Variants in TLE3 observed in about 807,000 individuals in gnomAD.
TLE3 encodes TLE family member 3, transcriptional corepressor, also known as transducin-like enhancer protein 3.
In TLE3, 14 loss-of-function variants were observed where a neutral mutation model predicts 93.0. That is an observed-to-expected ratio of 0.15 (90% confidence interval 0.10 to 0.24). The LOEUF (loss-of-function observed/expected upper bound fraction) is 0.24. TLE3 is among the 10% of genes least tolerant of loss of function. The probability of loss-of-function intolerance (pLI) is 1.00; values close to 1 mark genes in which losing one functional copy is unlikely to be tolerated. For synonymous variants in TLE3, 451 were observed against 425.0 expected (o/e 1.06, Z -0.75); for missense variants, 693 against 1,046.6 (o/e 0.66, Z 4.66).
At chr15:70,052,969 C>G in intron 17 of TLE3, 11 of 455,928 alleles carry the variant, frequency 2.4e-5, no homozygotes, top group South Asian at 1.5e-4. Flanking sequence ...ATGAGGACGC[C>G]GAGGACAAAG....
intron 6 of TLE3, among the ~76,000 whole-genome samples, chr15:70,071,997 A>C (rs1262329194): frequency 1.3e-5 from 2 of 152,364 alleles, no homozygotes; most frequent in East Asian, 1.9e-4. Context: ...ACGGCTCCCC[A>C]GTGCGAGCAC....
intron 18 of TLE3, 105 bp from the exon 19 acceptor site, chr15:70,051,572 C>CTTT: frequency 5.0e-6 from 4 of 796,716 alleles, no homozygotes; most frequent in South Asian, 1.7e-5. Flanking sequence ...GTGAGAACTG[C>CTTT]TAACTAGTAT....
chr15:70,073,020 G>C (rs567249834), intron 6 of TLE3, among the ~76,000 whole-genome samples: 33 of 152,198 alleles, frequency 2.2e-4, no homozygotes, highest in Non-Finnish European at 4.1e-4. Context: ...CCAGGCCAAT[G>C]CTTGCATCCC....
chr15:70,051,784 G>A (rs1472748600), intron 18 of TLE3, among the ~76,000 whole-genome samples: 4 of 152,152 alleles, frequency 2.6e-5, no homozygotes, highest in Admixed American at 2.6e-4. Flanking sequence ...TTCTACTACT[G>A]GAAGGCAACA....
chr15:70,093,095 C>G (rs1218278502), intron 4 of TLE3, among the ~76,000 whole-genome samples: 5 of 152,194 alleles, frequency 3.3e-5, no homozygotes, highest in Non-Finnish European at 7.3e-5. Flanking sequence ...GAACCTGTCT[C>G]TATTCTATTT....
Position 70,058,347 on chromosome 15 carries a change from G to A in TLE3, c.919-56C>T. 2 of 1,544,472 alleles carry A rather than the reference G, an allele frequency of 1.3e-6. No homozygotes were observed. Among genetic ancestry groups the A allele is most frequent in the Non-Finnish European group, 1.7e-6 (2 of 1,144,144 alleles). ...CCATGAGGCTTCCATTCTCCTAGGA[G>A]CCGGGCACAACTGGTGCCGGTCCCA... On this transcript the variant is annotated intron_variant, in intron 11 of 19. Coordinates refer to ENST00000451782, the MANE Select transcript of TLE3 (RefSeq NM_001105192.3). The surrounding 1 kb of genome is among the most constrained non-coding windows in gnomAD (Gnocchi z 4.1).
At chr15:70,062,767 C>T (rs1354557958) in intron 8 of TLE3, among the ~76,000 whole-genome samples, 5 of 152,096 alleles carry the variant, frequency 3.3e-5, no homozygotes, top group African/African-American at 7.2e-5. Flanking sequence ...TCTACACCGC[C>T]GCTGACACCG....
In TLE3 at chr15:70,067,682, A is replaced by C. The variant is rs2141674469; in HGVS notation, c.373-1464T>G. ...AGTGAAGGCCCATGGCTCTGGCAGG[A>C]GGAGGCAGTAAGCATTTCAGGTTAT... On this transcript the variant is annotated intron_variant, in intron 6 of 19. Coordinates refer to ENST00000451782, the MANE Select transcript of TLE3 (RefSeq NM_001105192.3). Among the ~76,000 whole-genome samples, 2 of 152,332 alleles carry C rather than the reference A, an allele frequency of 1.3e-5. 1 individual carries two copies. Among genetic ancestry groups the C allele is most frequent in the East Asian group, 3.9e-4 (2 of 5,184 alleles).
Position 70,097,437 on chromosome 15 carries a change from C to A in TLE3, c.-639G>T. 2 of 416,938 alleles carry A rather than the reference C, an allele frequency of 4.8e-6. No individual in the cohort carries two copies. Among genetic ancestry groups the A allele is most frequent in the Non-Finnish European group, 8.4e-6 (2 of 237,814 alleles). The allele number at this position is 416,938 out of a possible 1,614,324, so 25.8% of individuals were successfully genotyped here. On this transcript the variant is annotated 5_prime_UTR_variant, in exon 1 of 20. Transcript: ENST00000451782. ...CCTCGGAGAGGAGAGCCTGCTGTTC[C>A]GTCTGCTACTGCCGCTGCCGCCGCC...
intron 10 of TLE3, 65 bp downstream of exon 10, chr15:70,059,345 C>T: frequency 6.5e-7 from 1 of 1,545,636 alleles, no homozygotes. Context: ...AGATCCCACC[C>T]TGGGGAGGAA....
intron 4 of TLE3, among the ~76,000 whole-genome samples, chr15:70,085,492 A>G (rs2058000109): frequency 1.3e-5 from 2 of 152,236 alleles, no homozygotes; most frequent in South Asian, 2.1e-4. Flanking sequence ...AGTTTGCCCA[A>G]TATCCCTGGG....
chr15:70,096,532 G>A, intron 1 of TLE3: 1 of 1,345,290 alleles, frequency 7.4e-7, no homozygotes. Context: ...GGAGACTTCA[G>A]AGCGGGGCCG....
chr15:70,097,437 C>G lies in TLE3; in HGVS notation c.-639G>C, dbSNP rs564496025. 0.02 allele frequency: 8,252 copies of G among 416,924 alleles called. 105 individuals carry two copies. The highest frequency in any genetic ancestry group is 0.027 in the Non-Finnish European group (6,411 of 237,802). 25.8% of individuals were successfully genotyped at this position (416,924 alleles called of 1,614,324 possible). A position where few individuals can be genotyped will look rare whatever the true frequency, so the allele number is the denominator to read the frequency against. On this transcript the variant is annotated 5_prime_UTR_variant, in exon 1 of 20. Coordinates refer to ENST00000451782, the MANE Select transcript of TLE3 (RefSeq NM_001105192.3). ...CCTCGGAGAGGAGAGCCTGCTGTTC[C>G]GTCTGCTACTGCCGCTGCCGCCGCC...
At chr15:70,052,711 C>T (rs2055658926) in intron 17 of TLE3, 187 bp from the exon 18 acceptor site, 2 of 484,124 alleles carry the variant, frequency 4.1e-6, no homozygotes, top group South Asian at 9.5e-5. Context: ...AGACATTTTG[C>T]ATTCAGTTAC....
intron 6 of TLE3, 45 bp from the exon 7 acceptor site, chr15:70,066,263 G>A: frequency 2.1e-6 from 3 of 1,436,212 alleles, no homozygotes; most frequent in Non-Finnish European, 2.8e-6. Context: ...GGGGAGGGCA[G>A]GGGAGGCGTG....
chr15:70,066,175 C>T lies in TLE3; in HGVS notation c.416G>A (p.Gly139Asp). Residue 139 changes from glycine to aspartate, a missense_variant, in exon 7 of 20, where the codon GGC (glycine) becomes GAC (aspartate). Physicochemically the swap from Gly to Asp is moderately conservative, Grantham distance 94. This residue lies in a region of TLE3 where 104 missense variants were observed against 173.8 expected (regional missense o/e 0.60). Coordinates refer to ENST00000451782, the MANE Select transcript of TLE3 (RefSeq NM_001105192.3). Reference sequence around the variant, plus strand: ...GTGGGGTGGCAACTGGACCGGGGGGCCGTGTGTGGCATGGGAGAGGTGCTG... The same window carrying T: ...GTGGGGTGGCAACTGGACCGGGGGGTCGTGTGTGGCATGGGAGAGGTGCTG... ...QAQHLSHATHGPPVQLPPHPS... is the reference protein window; with the variant it reads ...QAQHLSHATHDPPVQLPPHPS... 1 of 1,543,986 alleles carries T rather than the reference C, an allele frequency of 6.5e-7. No homozygotes were observed.
intron 2 of TLE3, 60 bp from the exon 3 acceptor site, chr15:70,095,701 C>T: frequency 6.5e-7 from 1 of 1,537,824 alleles, no homozygotes. Context: ...TCTGAGGCCC[C>T]GACCCAAGGG....
intron 6 of TLE3, chr15:70,066,539 CAG>C (rs1486943423): frequency 7.3e-6 from 2 of 272,180 alleles, no homozygotes; most frequent in Non-Finnish European, 1.4e-5. Context: ...TAAAAAACCG[CAG>C]AGTCATGGGG....
chr15:70,058,529 G>A lies in TLE3; in HGVS notation c.918+134C>T, dbSNP rs534808660. On this transcript the variant is annotated intron_variant, in intron 11 of 19. Coordinates refer to ENST00000451782, the MANE Select transcript of TLE3 (RefSeq NM_001105192.3). This position sits in a 1 kb window ranked among gnomAD's most constrained non-coding sequence, Gnocchi z 4.1. ...TTAACTCATTAGCACAGGCCCAGCA[G>A]GCACAGAAGGTAAACCGGGGCCAAT... 1.5e-6 allele frequency: 2 copies of A among 1,363,306 alleles called. No individual in the cohort carries two copies. Among genetic ancestry groups the A allele is most frequent in the South Asian group, 3.0e-5 (2 of 66,786 alleles). 84.5% of individuals were successfully genotyped at this position (1,363,306 alleles called of 1,614,324 possible). A position where few individuals can be genotyped will look rare whatever the true frequency, so the allele number is the denominator to read the frequency against.
Sources: allele counts gnomAD v4.1 joint callset (sites outside exome capture counted in the v4.1 genomes callset), GRCh38; gene constraint gnomAD v4.1.1; regional missense constraint gnomAD v4.1.1; non-coding constraint Gnocchi (gnomAD v3.1); transcripts MANE v1.5; gene names NCBI Gene and HGNC (gene_info 2026-07-23, HGNC 2026-07-21).